ENAH: variants seen among roughly 807,000 people sequenced by gnomAD.
ENAH encodes the protein ENAH actin regulator.
ENAH carries 23 observed loss-of-function variants against 78.7 expected under a neutral mutation model. The ratio of observed to expected loss-of-function variants is 0.29; its 90% CI spans 0.21 to 0.41. The LOEUF is 0.41. ENAH is among the 10% of genes least tolerant of loss of function. The pLI, the probability that ENAH is intolerant of heterozygous loss-of-function variation, is 1.00. For missense variants in ENAH, 544 were observed against 691.0 expected (o/e 0.79, Z 2.39); for synonymous variants, 226 against 241.0 (o/e 0.94, Z 0.58).
At chr1:225,545,574 T>C (rs2096609107) in intron 3 of ENAH, among the ~76,000 whole-genome samples, 1 of 152,218 alleles carries the variant, frequency 6.6e-6, no homozygotes, top group East Asian at 1.9e-4. Flanking sequence ...TATTAAGTGA[T>C]TAGAATGCCA....
rs1165535289 is a variant in ENAH at position 225,492,698 on chromosome 1, G to C, written c.*5077C>G. ...TGCTTTAAATGATACTAACACTTCC[G>C]TTTAGAAGGTTGTGTGCATCACAGA... is the stretch of plus-strand genomic sequence containing the variant. On this transcript the variant is annotated 3_prime_UTR_variant, in exon 14 of 14. Transcript: ENST00000366843. The C allele has an allele frequency of 6.6e-6, 1 of 152,132 alleles. No homozygotes were observed. The highest frequency in any genetic ancestry group is 1.5e-5 in the Non-Finnish European group (1 of 68,028). The allele number at this position is 152,132 out of a possible 1,614,324, so 9.4% of individuals were successfully genotyped here.
At chr1:225,550,278 AG>A (rs1271311956) in intron 3 of ENAH, among the ~76,000 whole-genome samples, 2 of 152,156 alleles carry the variant, frequency 1.3e-5, no homozygotes, top group Admixed American at 6.5e-5. Flanking sequence ...GGTATTCCGA[AG>A]GCCTTTCTTC....
intron 3 of ENAH, among the ~76,000 whole-genome samples, chr1:225,552,134 C>CTTTTTTTTTT (rs397983036): frequency 1.7e-5 from 2 of 115,952 alleles, no homozygotes; most frequent in South Asian, 2.9e-4. Flanking sequence ...ACTCCTGATT[C>CTTTTTTTTTT]TTTTTTTTTT....
chr1:225,570,368 G>A (rs970492181), intron 1 of ENAH, among the ~76,000 whole-genome samples: 9 of 151,894 alleles, frequency 5.9e-5, no homozygotes, highest in African/African-American at 1.4e-4. Context: ...TGGGAACTGC[G>A]CAGGTCCACT....
intron 1 of ENAH, among the ~76,000 whole-genome samples, chr1:225,592,118 C>G (rs947441216): frequency 6.6e-6 from 1 of 152,202 alleles, no homozygotes; most frequent in Non-Finnish European, 1.5e-5. Context: ...TTACTCATTA[C>G]TATTACTGTG....
At chr1:225,512,171 A>T (rs1467394404) in intron 9 of ENAH, among the ~76,000 whole-genome samples, 3 of 152,222 alleles carry the variant, frequency 2.0e-5, no homozygotes, top group Non-Finnish European at 4.4e-5. Context: ...CAGGGGGAAC[A>T]TATTATTTGT....
intron 1 of ENAH, among the ~76,000 whole-genome samples, chr1:225,581,018 A>G (rs989186803): frequency 1.0e-4 from 14 of 138,408 alleles, no homozygotes; most frequent in African/African-American, 3.5e-4. Context: ...CTGGCCACCC[A>G]TCTTTTTTTA....
chr1:225,636,003 G>C (rs1353070450), intron 1 of ENAH, among the ~76,000 whole-genome samples: 3 of 152,206 alleles, frequency 2.0e-5, no homozygotes, highest in Non-Finnish European at 4.4e-5. Context: ...TGAGTTTCCA[G>C]CCTGCCTGTT....
chr1:225,550,792 T>C (rs2096637527), intron 3 of ENAH, among the ~76,000 whole-genome samples: 1 of 152,202 alleles, frequency 6.6e-6, no homozygotes, highest in Non-Finnish European at 1.5e-5. Context: ...GGTAAAATAC[T>C]TATTTTGGGG....
Position 225,515,346 on chromosome 1 carries a change from T to C in ENAH, c.914-446A>G, listed in dbSNP as rs1338312333. ...AGTAAATTCAGTAACAGTGAACACATACATTTAATTGTTTACAGTCAAAGT... is the reference window on the plus strand; with the variant it reads ...AGTAAATTCAGTAACAGTGAACACACACATTTAATTGTTTACAGTCAAAGT... On this transcript the variant is annotated intron_variant, in intron 6 of 13. Coordinates refer to ENST00000366843, the MANE Select transcript of ENAH (RefSeq NM_018212.6). 3.9e-5 allele frequency: 6 copies of C among 155,110 alleles called. No homozygotes were observed. The Admixed American group carries it at 3.9e-4, about 10-fold the overall frequency. The allele number at this position is 155,110 out of a possible 1,614,324, so 9.6% of individuals were successfully genotyped here. A position where few individuals can be genotyped will look rare whatever the true frequency, so the allele number is the denominator to read the frequency against.
At chr1:225,551,257 C>A (rs1041218734) in intron 3 of ENAH, among the ~76,000 whole-genome samples, 7 of 151,800 alleles carry the variant, frequency 4.6e-5, no homozygotes, top group Non-Finnish European at 7.4e-5. Context: ...TCTGTACTTT[C>A]CAGTATATTA....
intron 1 of ENAH, among the ~76,000 whole-genome samples, chr1:225,579,537 T>C (rs1270877758): frequency 6.6e-6 from 1 of 152,166 alleles, no homozygotes; most frequent in Non-Finnish European, 1.5e-5. Flanking sequence ...AAGAATTACA[T>C]GAAAGACAAA....
rs1491435336 is a variant in ENAH, at chr1:225,593,401, G to GTGTGTGTGTGT, written c.6-25988_6-25987insACACACACACA. On this transcript the variant is annotated intron_variant, in intron 1 of 13. Transcript: ENST00000366843. ...CTGCAGCCTGCCCCTGTGTGTGTGT[G>GTGTGTGTGTGT]GGGGGGGGGGGGGGGGTGGGGGGTG... Among the ~76,000 whole-genome samples the GTGTGTGTGTGT allele has an allele frequency of 1.3e-4, 4 of 31,596 alleles. 1 individual carries two copies. Among genetic ancestry groups the GTGTGTGTGTGT allele is most frequent in the South Asian group, 1.2e-3 (1 of 840 alleles). 20.7% of individuals were successfully genotyped at this position (31,596 alleles called of 152,430 possible). A position where few individuals can be genotyped will look rare whatever the true frequency, so the allele number is the denominator to read the frequency against.
chr1:225,565,130 T>C (rs2096728130), intron 2 of ENAH, among the ~76,000 whole-genome samples: 1 of 152,176 alleles, frequency 6.6e-6, no homozygotes, highest in Admixed American at 6.6e-5. Context: ...CATATGCAAA[T>C]TTCCTAGCTT....
chr1:225,588,415 A>G (rs1201231539), intron 1 of ENAH, among the ~76,000 whole-genome samples: 2 of 152,236 alleles, frequency 1.3e-5, no homozygotes, highest in South Asian at 2.1e-4. Context: ...TAAAATCACA[A>G]TAAGATGCCA....
At chr1:225,609,656 ATT>A (rs59508510) in intron 1 of ENAH, among the ~76,000 whole-genome samples, 14 of 76,504 alleles carry the variant, frequency 1.8e-4, no homozygotes, top group African/African-American at 2.6e-4. Context: ...GGAAAAATGG[ATT>A]TTTTTTTTTT....
intron 3 of ENAH, among the ~76,000 whole-genome samples, chr1:225,549,534 G>A (rs1205035027): frequency 6.6e-6 from 1 of 152,180 alleles, no homozygotes; most frequent in African/African-American, 2.4e-5. Flanking sequence ...AGCCACTAAT[G>A]CCACTGTCTA....
chr1:225,577,340 G>A (rs1011858460), intron 1 of ENAH, among the ~76,000 whole-genome samples: 1 of 152,138 alleles, frequency 6.6e-6, no homozygotes, highest in Non-Finnish European at 1.5e-5. Context: ...TTGCTTGCTA[G>A]TTACAATTCG....
At chr1:225,545,115 G>C (rs560075668) in intron 3 of ENAH, among the ~76,000 whole-genome samples, 1 of 152,258 alleles carries the variant, frequency 6.6e-6, no homozygotes, top group South Asian at 2.1e-4. Flanking sequence ...TGGGGGAGGA[G>C]AGAAGATGAA....
Sources: allele counts gnomAD v4.1 joint callset (sites outside exome capture counted in the v4.1 genomes callset), GRCh38; gene constraint gnomAD v4.1.1; transcripts MANE v1.5; gene names NCBI Gene and HGNC (gene_info 2026-07-23, HGNC 2026-07-21).